The following TFR2 variants were observed in gnomAD, a reference collection of about 807,000 sequenced individuals.
TFR2 encodes transferrin receptor protein 2.
TFR2 carries 64 observed loss-of-function variants against 91.9 expected under a neutral mutation model. The observed-to-expected ratio is 0.70, with a 90% confidence interval of 0.57 to 0.86. TFR2 has a LOEUF of 0.86. Ranked by LOEUF, TFR2 falls within the 40% of genes least tolerant of loss-of-function variation. The pLI is 0.00. For synonymous variants in TFR2, 454 were observed against 459.6 expected, an observed-to-expected ratio of 0.99 and a Z score of 0.15; for missense variants, 950 against 1,080.5, an observed-to-expected ratio of 0.88 and a Z score of 1.69.
intron 3 of TFR2, chr7:100,640,171 C>T (rs1803666018): frequency 6.3e-6 from 1 of 159,196 alleles, no homozygotes; most frequent in South Asian, 1.8e-4. Flanking sequence ...CCTCCGCCTC[C>T]CCGGCTCAGG....
At chr7:100,627,035 AGG>A in intron 16 of TFR2, 132 bp from the exon 17 acceptor site, 6 of 1,402,412 alleles carry the variant, frequency 4.3e-6, no homozygotes, top group Non-Finnish European at 5.7e-6. Context: ...GAGGTAGACG[AGG>A]ACAGAGTGCT....
chr7:100,621,034 G>A lies in TFR2; in HGVS notation c.2229C>T (p.Ala743=). The A allele has an allele frequency of 6.3e-7, 1 of 1,589,960 alleles. No homozygotes were observed. Among genetic ancestry groups the A allele is most frequent in the Non-Finnish European group, 8.6e-7 (1 of 1,168,548 alleles). The part of the protein sequence containing the change: ...FMGRGDHTLG[A]LLDHLRLLRS... ...GCAGCAGCCGCAGGTGGTCCAGCAG[G>A]GCGCCCAGCGTGTGGTCTCCACGGC... is the stretch of plus-strand genomic sequence containing the variant. Residue 743 remains alanine (A), a synonymous_variant, in exon 18 of 18, where the codon GCC becomes GCT. Transcript: ENST00000223051.
intron 3 of TFR2, among the ~76,000 whole-genome samples, chr7:100,639,329 T>C (rs1803643745): frequency 6.6e-6 from 1 of 152,236 alleles, no homozygotes; most frequent in African/African-American, 2.4e-5. Flanking sequence ...ATTGCACCAC[T>C]GCACTCCAGC....
chr7:100,632,428 C>T (rs180709377), intron 6 of TFR2, among the ~76,000 whole-genome samples: 19 of 152,148 alleles, frequency 1.2e-4, no homozygotes, highest in African/African-American at 4.1e-4. Context: ...CATCTGATTT[C>T]CCCCAACACC....
chr7:100,621,317 G>A (rs556418266), intron 17 of TFR2, among the ~76,000 whole-genome samples, 191 bp from the exon 18 acceptor site: 5 of 152,244 alleles, frequency 3.3e-5, no homozygotes, highest in Admixed American at 6.5e-5. Context: ...GCAGTGGCAC[G>A]ATCTCGGCTC....
intron 17 of TFR2, among the ~76,000 whole-genome samples, chr7:100,623,423 G>A (rs1383144653): frequency 6.6e-6 from 1 of 152,062 alleles, no homozygotes; most frequent in Non-Finnish European, 1.5e-5. Flanking sequence ...CCACCTATGA[G>A]CATTTGCTCC....
intron 16 of TFR2, 103 bp downstream of exon 16, chr7:100,627,161 G>T: frequency 7.3e-7 from 1 of 1,369,152 alleles, no homozygotes; most frequent in South Asian, 1.2e-5. Flanking sequence ...GATTGCCAGA[G>T]AGGACCTAGA....
At chr7:100,637,522 A>C (rs1427033497) in intron 3 of TFR2, among the ~76,000 whole-genome samples, 1 of 152,214 alleles carries the variant, frequency 6.6e-6, no homozygotes, top group Non-Finnish European at 1.5e-5. Context: ...TGAAGCCGGG[A>C]GGCGGAGGTT....
rs1300747573 is a variant in TFR2 at position 100,626,793 on chromosome 7, C to T, written c.2106G>A (p.Leu702=). The part of the protein sequence containing the change: ...IYSSEERDER[L]TRMYNVRIMR... ...TTATGCGCACGTTGTACATGCGTGT[C>T]AGTCGCTCGTCTCTCTCCTCCGAGC... The change falls in exon 17 of 18, where the codon CTG becomes CTA. Residue 702 remains leucine, a synonymous_variant. Transcript: ENST00000223051. 3.9e-6 allele frequency: 6 copies of T among 1,548,108 alleles called. No homozygotes were observed. Among genetic ancestry groups the T allele is most frequent in the South Asian group, 1.2e-5 (1 of 84,044 alleles).
chr7:100,628,913 C>T (rs1395538431), intron 10 of TFR2, among the ~76,000 whole-genome samples: 6 of 152,044 alleles, frequency 3.9e-5, no homozygotes, highest in Non-Finnish European at 5.9e-5. Flanking sequence ...ATTACAGGCG[C>T]CCTCCACCAC....
rs953857858 is a variant in TFR2, at chr7:100,633,680, GAGCGCTCCC to G, written c.474-133_474-125del. The G allele has an allele frequency of 5.6e-6, 4 of 709,096 alleles. No homozygotes were observed. In the African/African-American group the frequency reaches 8.5e-5, roughly 15 times the overall value. 43.9% of individuals were successfully genotyped at this position (709,096 alleles called of 1,614,324 possible). A position where few individuals can be genotyped will look rare whatever the true frequency, so the allele number is the denominator to read the frequency against. Reference sequence around the variant, plus strand: ...CGAGGGGTTCCTGAGTTTAGGAAAAGAGCGCTCCCCGCGGACGCTTTTTTTTTTTTTTTT... The same window carrying G: ...CGAGGGGTTCCTGAGTTTAGGAAAAGCGCGGACGCTTTTTTTTTTTTTTTT... On this transcript the variant is annotated intron_variant, in intron 3 of 17. Coordinates refer to ENST00000223051, the MANE Select transcript of TFR2 (RefSeq NM_003227.4).
intron 9 of TFR2, among the ~76,000 whole-genome samples, chr7:100,629,829 T>C (rs1172584373): frequency 6.6e-6 from 1 of 152,186 alleles, no homozygotes; most frequent in African/African-American, 2.4e-5. Flanking sequence ...CACGGCAAGC[T>C]CCACCTCCCG....
chr7:100,630,967 G>A lies in TFR2; in HGVS notation c.1192C>T (p.Arg398Trp), dbSNP rs138189378. The change falls in exon 9 of 18, where the codon CGG (arginine) becomes TGG (tryptophan). Residue 398 changes from arginine (R) to tryptophan (W), a missense_variant. Transcript: ENST00000223051. ...GTCCTGTGATTGTTGACCACTAGCC[G>A]CAGTCGTGGCCCGGGGCCCAGGTGA... ...PYHLGPGPRL[R>W]LVVNNHRTST... 15 of 1,612,894 alleles carry A rather than the reference G, an allele frequency of 9.3e-6. No individual in the cohort carries two copies. The highest frequency in any genetic ancestry group is 2.7e-5 in the African/African-American group (2 of 75,018).
chr7:100,641,403 C>T lies in TFR2; in HGVS notation c.33+74G>A, dbSNP rs1018059526. The T allele has an allele frequency of 8.0e-5, 128 of 1,598,194 alleles. 1 individual carries two copies. The South Asian group carries it at 1.2e-3, about 16-fold the overall frequency. On this transcript the variant is annotated intron_variant, in intron 1 of 17. Coordinates refer to ENST00000223051, the MANE Select transcript of TFR2 (RefSeq NM_003227.4). The stretch of plus-strand genomic sequence containing the variant: ...AGGACACGGTCCAGGAGGGGCCAGC[C>T]TCAGGGGCTTGGGAGGGGGCTGAGG...
chr7:100,622,374 A>G (rs1181506085), intron 17 of TFR2, among the ~76,000 whole-genome samples: 1 of 152,126 alleles, frequency 6.6e-6, no homozygotes, highest in Non-Finnish European at 1.5e-5. Context: ...ACCTGGACAT[A>G]TCAGTACCGA....
At chr7:100,640,608 C>T in intron 3 of TFR2, 78 bp downstream of exon 3, 1 of 1,527,088 alleles carries the variant, frequency 6.5e-7, no homozygotes, top group South Asian at 1.2e-5. Flanking sequence ...GAGGCCTGGG[C>T]CAGGAGGCAG....
At position 100,633,338 on chromosome 7, in the gene TFR2, G is replaced by C; in HGVS notation, c.617C>G (p.Ala206Gly). The C allele has an allele frequency of 1.2e-6, 2 of 1,612,612 alleles. No individual in the cohort carries two copies. Among genetic ancestry groups the C allele is most frequent in the South Asian group, 1.1e-5 (1 of 91,052 alleles). ...HYVGLQFPDP[A>G]HPNTLHWVDE... ...GACCCAGTGCAGGGTGTTGGGGTGA[G>C]CCCTGGGGAGCGGGGCTGGTGAGCG... The change falls in exon 5 of 18, where the codon GCT becomes GGT. Residue 206 changes from alanine (A) to glycine (G), a missense_variant and splice_region_variant. Ala to Gly is a moderately conservative substitution (Grantham distance 60). Transcript: ENST00000223051.
intron 10 of TFR2, 61 bp downstream of exon 10, chr7:100,629,192 C>T: frequency 6.2e-7 from 1 of 1,605,422 alleles, no homozygotes; most frequent in Admixed American, 1.7e-5. Flanking sequence ...CTGCCCTATC[C>T]TCCTCGGGCC....
intron 9 of TFR2, 33 bp downstream of exon 9, chr7:100,630,856 C>T: frequency 1.2e-6 from 2 of 1,611,806 alleles, no homozygotes; most frequent in Non-Finnish European, 1.7e-6. Context: ...CAGCCCACCA[C>T]CAGCTGTGAG....
Sources: gnomAD v4.1 joint callset for allele counts (sites outside exome capture counted in the v4.1 genomes callset) on GRCh38, gnomAD v4.1.1 for gene constraint, MANE v1.5 for transcripts, NCBI Gene and HGNC (gene_info 2026-07-23, HGNC 2026-07-21) for gene names.